The following AFF2 variants were observed in gnomAD, a reference collection of about 807,000 sequenced individuals.
AFF2 encodes ALF transcription elongation factor 2, also known as AF4/FMR2 family member 2.
Under a neutral mutation model 76.9 loss-of-function variants are expected in AFF2, and 14 were observed. The observed-to-expected ratio is 0.18, with a 90% CI of 0.12 to 0.28. The LOEUF (loss-of-function observed/expected upper bound fraction) is 0.28. AFF2 is among the 10% of genes least tolerant of loss of function. The pLI is 1.00. For missense variants in AFF2, 868 were observed against 1,001.1 expected, an observed-to-expected ratio of 0.87 and a Z score of 1.79; for synonymous variants, 398 against 366.7, an observed-to-expected ratio of 1.09 and a Z score of -0.98.
chrX:148,955,726 C>G lies in AFF2; in HGVS notation c.1681C>G (p.Pro561Ala). 1 of 1,211,691 alleles carries G rather than the reference C, an allele frequency of 8.3e-7. No individual in the cohort carries two copies. Among genetic ancestry groups the G allele is most frequent in the Non-Finnish European group, 1.1e-6 (1 of 895,519 alleles). The part of the protein sequence containing the change: ...TPMETISLPP[P>A]IIQPMEVQMK... ...CATGGAGACTATTTCTCTGCCTCCT[C>G]CAATCATCCAACCAATGGAAGTCCA... The change falls in exon 11 of 21, where the codon CCA becomes GCA. Residue 561 changes from proline (P) to alanine (A), a missense_variant. Pro to Ala is a conservative substitution (Grantham distance 27). Around this residue, in one of 6 missense-constraint regions of AFF2, gnomAD observed 532 missense variants for 564.2 expected, o/e 0.94. Transcript: ENST00000370460.
At chrX:148,813,865 A>G (rs1257943375) in intron 4 of AFF2, among the ~76,000 whole-genome samples, 1 of 112,498 alleles carries the variant, frequency 8.9e-6, no homozygotes, top group African/African-American at 3.2e-5. Flanking sequence ...TGAACAAACT[A>G]GAATTCACTG....
At chrX:148,567,671 A>C (rs782074282) in intron 1 of AFF2, among the ~76,000 whole-genome samples, 20 of 111,654 alleles carry the variant, frequency 1.8e-4, no homozygotes, top group South Asian at 3.8e-4. Context: ...CAAGAGAGAT[A>C]AACTGACCAT....
intron 3 of AFF2, among the ~76,000 whole-genome samples, chrX:148,809,625 G>A (rs2070178998): frequency 8.9e-6 from 1 of 112,150 alleles, no homozygotes; most frequent in African/African-American, 3.2e-5. Context: ...CCAGGGGATG[G>A]GGGATGGGTC....
chrX:148,785,741 C>T (rs2069811182), intron 3 of AFF2, among the ~76,000 whole-genome samples: 3 of 112,082 alleles, frequency 2.7e-5, no homozygotes, highest in Admixed American at 9.5e-5. Flanking sequence ...GAAGGCAGGT[C>T]AGCTGTAAAA....
At chrX:148,593,596 C>T (rs1489440731) in intron 1 of AFF2, among the ~76,000 whole-genome samples, 1 of 111,845 alleles carries the variant, frequency 8.9e-6, no homozygotes, top group Non-Finnish European at 1.9e-5. Flanking sequence ...GGAGTTTGAG[C>T]CTTGTCTTAT....
intron 4 of AFF2, among the ~76,000 whole-genome samples, chrX:148,829,312 TGTCTTAACA>T (rs1243566669): frequency 8.9e-6 from 1 of 112,284 alleles, no homozygotes; most frequent in East Asian, 2.8e-4. Flanking sequence ...CTCAGGAGAC[TGTCTTAACA>T]GCATTCCAAA....
At chrX:148,869,644 G>A (rs1297861719) in intron 7 of AFF2, among the ~76,000 whole-genome samples, 1 of 111,809 alleles carries the variant, frequency 8.9e-6, no homozygotes. Context: ...AGGAACTGGG[G>A]CAAAGCCCTG....
At chrX:148,775,076 G>C (rs892245667) in intron 3 of AFF2, among the ~76,000 whole-genome samples, 36 of 111,897 alleles carry the variant, frequency 3.2e-4, no homozygotes, top group African/African-American at 1.2e-3. Context: ...CTACAAAGTA[G>C]TATAGCCCTC....
At chrX:148,852,389 GT>G (rs33916305) in intron 7 of AFF2, among the ~76,000 whole-genome samples, 4,692 of 78,736 alleles carry the variant, frequency 0.06, 312 homozygotes, top group African/African-American at 0.2. Context: ...CCAGCAGCTG[GT>G]TTTTTTTTTT....
intron 9 of AFF2, among the ~76,000 whole-genome samples, chrX:148,908,033 G>T (rs1216298149): frequency 1.8e-5 from 2 of 111,949 alleles, no homozygotes; most frequent in Non-Finnish European, 3.8e-5. Flanking sequence ...TGAAAGAAGA[G>T]AAATATGGCT....
chrX:148,513,130 A>G (rs1279709124), intron 1 of AFF2, among the ~76,000 whole-genome samples: 1 of 112,595 alleles, frequency 8.9e-6, no homozygotes, highest in African/African-American at 3.2e-5. Flanking sequence ...TTACATTCTT[A>G]AACCTGGAGT....
intron 1 of AFF2, among the ~76,000 whole-genome samples, chrX:148,602,057 G>A (rs1394436125): frequency 1.8e-5 from 2 of 112,079 alleles, no homozygotes. Flanking sequence ...AAGTGATGGA[G>A]TGAGGGCATT....
intron 1 of AFF2, among the ~76,000 whole-genome samples, chrX:148,520,471 A>AC (rs1557234345): frequency 1.8e-5 from 2 of 111,802 alleles, no homozygotes; most frequent in Non-Finnish European, 3.8e-5. Context: ...GGTGGTAGGC[A>AC]CCCGGCTCCC....
chrX:148,805,986 G>A (rs782646494), intron 3 of AFF2, among the ~76,000 whole-genome samples: 1 of 112,685 alleles, frequency 8.9e-6, no homozygotes, highest in East Asian at 2.8e-4. Flanking sequence ...GGACGCTGCA[G>A]CTCTGAGTGG....
chrX:148,879,246 A>AT (rs2071069894), intron 7 of AFF2, among the ~76,000 whole-genome samples: 2 of 111,738 alleles, frequency 1.8e-5, no homozygotes, highest in Admixed American at 9.5e-5. Flanking sequence ...GATACATATT[A>AT]TTTTTATTCC....
At chrX:148,778,388 CT>C (rs782807994) in intron 3 of AFF2, among the ~76,000 whole-genome samples, 2 of 111,008 alleles carry the variant, frequency 1.8e-5, no homozygotes, top group African/African-American at 3.3e-5. Flanking sequence ...GGGAGGAGTC[CT>C]TTTTTTTCTG....
intron 1 of AFF2, among the ~76,000 whole-genome samples, chrX:148,550,260 C>T (rs1318638110): frequency 8.9e-6 from 1 of 111,737 alleles, no homozygotes; most frequent in East Asian, 2.8e-4. Flanking sequence ...TATTTAAATG[C>T]CTGAGTCTCC....
chrX:148,934,580 G>A (rs953345949), intron 9 of AFF2, among the ~76,000 whole-genome samples: 8 of 112,128 alleles, frequency 7.1e-5, no homozygotes, highest in Admixed American at 4.7e-4. Context: ...TCAATTCAAC[G>A]TAGCATAGTA....
At chrX:148,780,971 G>A (rs1557269043) in intron 3 of AFF2, among the ~76,000 whole-genome samples, 1 of 112,014 alleles carries the variant, frequency 8.9e-6, no homozygotes, top group Admixed American at 9.5e-5. Flanking sequence ...TGATGCTATT[G>A]CTTTCTGTTT....
Sources: gnomAD v4.1 joint callset for allele counts (sites outside exome capture counted in the v4.1 genomes callset) on GRCh38, gnomAD v4.1.1 for gene constraint, gnomAD v4.1.1 regional missense constraint, MANE v1.5 for transcripts, NCBI Gene and HGNC (gene_info 2026-07-23, HGNC 2026-07-21) for gene names.